Variants in HECW1 observed in about 807,000 individuals in gnomAD.
The protein encoded by HECW1 is HECT, C2 and WW domain containing E3 ubiquitin protein ligase 1.
A neutral mutation model predicts 182.3 loss-of-function variants in HECW1; 61 were observed. The ratio of observed to expected loss-of-function variants is 0.33; its 90% confidence interval spans 0.27 to 0.41. The LOEUF (loss-of-function observed/expected upper bound fraction) is 0.41, where lower values mean the gene tolerates loss of function less well. Among genes scored for constraint, HECW1 ranks in the 10% least tolerant of loss-of-function variants. The pLI, the probability that HECW1 is intolerant of heterozygous loss-of-function variation, is 1.00. For missense variants in HECW1, 1,739 were observed against 2,108.9 expected (o/e 0.82, Z 3.44); for synonymous variants, 859 against 832.6 (o/e 1.03, Z -0.55).
chr7:43,509,214 G>A, intron 24 of HECW1, 93 bp downstream of exon 24: 4 of 1,261,964 alleles, frequency 3.2e-6, no homozygotes, highest in Non-Finnish European at 3.4e-6. Context: ...ACTGTGTTTA[G>A]AGCAGTGGCC....
Position 43,297,122 on chromosome 7 carries a change from G to A in HECW1, c.28-14641G>A, listed in dbSNP as rs115976850. The stretch of plus-strand genomic sequence containing the variant: ...ATTTTGTTTTCATCTCATGCATTCA[G>A]CTTTTTCTGCCTCATTTGTTTTGAC... On this transcript the variant is annotated intron_variant, in intron 3 of 29. Transcript: ENST00000395891. Among the ~76,000 whole-genome samples the A allele has an allele frequency of 8.4e-3, 1,272 of 152,260 alleles. 26 individuals carry two copies. Among genetic ancestry groups the A allele is most frequent in the African/African-American group, 0.029 (1,198 of 41,536 alleles).
intron 8 of HECW1, among the ~76,000 whole-genome samples, chr7:43,417,522 G>A (rs1391189615): frequency 1.3e-5 from 2 of 151,926 alleles, no homozygotes; most frequent in Non-Finnish European, 2.9e-5. Context: ...ATTTTCACTG[G>A]ATATAGAATT....
chr7:43,527,462 C>T (rs1284432122), intron 24 of HECW1, among the ~76,000 whole-genome samples: 2 of 152,188 alleles, frequency 1.3e-5, no homozygotes, highest in African/African-American at 4.8e-5. Context: ...CTGCCTCTGT[C>T]TCACATGGCC....
Position 43,243,882 on chromosome 7 carries a change from T to G in HECW1, c.-24T>G. The stretch of plus-strand genomic sequence containing the variant: ...CGTTGGACTTTTCCCCAGGAATTGA[T>G]GCGCGTACACGTGGTGGGTCATTAT... On this transcript the variant is annotated 5_prime_UTR_variant, in exon 3 of 30. An upstream start codon of the reference 5' UTR is lost. Transcript: ENST00000395891. The surrounding 1 kb of genome is among the most constrained non-coding windows in gnomAD (Gnocchi z 4.0). 1 of 1,613,220 alleles carries G rather than the reference T, an allele frequency of 6.2e-7. No homozygotes were observed. The highest frequency in any genetic ancestry group is 8.5e-7 in the Non-Finnish European group (1 of 1,179,168).
At chr7:43,410,400 T>C (rs1186111044) in intron 8 of HECW1, among the ~76,000 whole-genome samples, 1 of 152,096 alleles carries the variant, frequency 6.6e-6, no homozygotes, top group Non-Finnish European at 1.5e-5. Context: ...GACCCTATCC[T>C]CATGACTCCT....
At chr7:43,115,608 G>A (rs1784979392) in intron 2 of HECW1, among the ~76,000 whole-genome samples, 1 of 152,198 alleles carries the variant, frequency 6.6e-6, no homozygotes, top group Non-Finnish European at 1.5e-5. Context: ...AATGGGTGAA[G>A]CAATGATTGG....
intron 29 of HECW1, among the ~76,000 whole-genome samples, chr7:43,559,103 G>T (rs1390848365): frequency 6.6e-6 from 1 of 152,186 alleles, no homozygotes. Flanking sequence ...AGAGGAGCAA[G>T]ACTTTCTTTG....
intron 4 of HECW1, among the ~76,000 whole-genome samples, chr7:43,314,278 C>T (rs1253801783): frequency 6.6e-6 from 1 of 152,198 alleles, no homozygotes; most frequent in Non-Finnish European, 1.5e-5. Flanking sequence ...CGTGCGTCCA[C>T]AGTGAGTGAA....
chr7:43,544,077 GA>G (rs1482684477), intron 26 of HECW1, among the ~76,000 whole-genome samples: 4 of 151,882 alleles, frequency 2.6e-5, no homozygotes, highest in Non-Finnish European at 4.4e-5. Flanking sequence ...TTTAAAAAAG[GA>G]AAAAAGAGAT....
intron 3 of HECW1, among the ~76,000 whole-genome samples, chr7:43,262,990 G>A (rs1801344255): frequency 6.6e-6 from 1 of 152,178 alleles, no homozygotes; most frequent in African/African-American, 2.4e-5. Flanking sequence ...ACATTTGTAT[G>A]TAATAGTTAT....
chr7:43,240,016 T>C (rs1798721702), intron 2 of HECW1: 1 of 152,238 alleles, frequency 6.6e-6, no homozygotes, highest in African/African-American at 2.4e-5. Flanking sequence ...AAATGTACTT[T>C]GTTTCTATAA....
intron 2 of HECW1, among the ~76,000 whole-genome samples, chr7:43,226,370 A>G (rs1584060107): frequency 2.0e-5 from 3 of 152,264 alleles, no homozygotes; most frequent in Admixed American, 6.5e-5. Flanking sequence ...AGGAATATCT[A>G]CCCTGCCTCC....
intron 8 of HECW1, among the ~76,000 whole-genome samples, chr7:43,424,996 C>T (rs1305997081): frequency 1.3e-5 from 2 of 152,078 alleles, no homozygotes; most frequent in African/African-American, 2.4e-5. Context: ...ATGGGTATAA[C>T]TTAGTGTGTT....
intron 6 of HECW1, among the ~76,000 whole-genome samples, chr7:43,393,381 T>C (rs766257000): frequency 2.6e-5 from 4 of 152,160 alleles, no homozygotes; most frequent in African/African-American, 9.7e-5. Context: ...CTGTAAAGAG[T>C]CTGTCTGTGA....
intron 3 of HECW1, among the ~76,000 whole-genome samples, chr7:43,278,926 A>C (rs1223398281): frequency 1.3e-5 from 2 of 152,190 alleles, no homozygotes; most frequent in African/African-American, 4.8e-5. Context: ...CCTCCCCATT[A>C]GGATTCAAGC....
chr7:43,351,672 T>TTTC (rs1482211956), intron 5 of HECW1, among the ~76,000 whole-genome samples: 2 of 148,438 alleles, frequency 1.3e-5, no homozygotes, highest in African/African-American at 4.9e-5. Context: ...GTTTTTTTTC[T>TTTC]TTCTTCTTTT....
chr7:43,180,696 G>A (rs573223100), intron 2 of HECW1, among the ~76,000 whole-genome samples: 34 of 152,254 alleles, frequency 2.2e-4, no homozygotes, highest in African/African-American at 7.9e-4. Flanking sequence ...CGCCTGGCCA[G>A]TTTTATTTTA....
At chr7:43,505,265 T>C (rs1326971089) in intron 21 of HECW1, among the ~76,000 whole-genome samples, 1 of 152,174 alleles carries the variant, frequency 6.6e-6, no homozygotes, top group Non-Finnish European at 1.5e-5. Flanking sequence ...AGTTACAAAA[T>C]CTGAAACCCA....
At chr7:43,337,933 G>A (rs10951725) in intron 5 of HECW1, among the ~76,000 whole-genome samples, 73,838 of 152,044 alleles carry the variant, frequency 0.49, 18,330 homozygotes, top group African/African-American at 0.58. Context: ...GCAACTGGGA[G>A]AAGCAACTAC....
Sources: gnomAD v4.1 joint callset for allele counts (sites outside exome capture counted in the v4.1 genomes callset) on GRCh38, gnomAD v4.1.1 for gene constraint, Gnocchi (gnomAD v3.1) non-coding constraint, MANE v1.5 for transcripts, NCBI Gene and HGNC (gene_info 2026-07-23, HGNC 2026-07-21) for gene names.